CTNNA3: variants seen among roughly 807,000 people sequenced by gnomAD.
CTNNA3 encodes the protein catenin alpha 3, also known as catenin alpha-3.
In CTNNA3, 76 loss-of-function variants were observed where a neutral mutation model predicts 95.7. That is an observed-to-expected ratio of 0.79 (90% CI 0.66 to 0.96). The LOEUF is 0.96. CTNNA3 is among the 40% of genes least tolerant of loss of function. CTNNA3 has a pLI of 0.00. For missense variants in CTNNA3, 1,191 were observed against 1,089.8 expected (o/e 1.09, Z -1.31); for synonymous variants, 431 against 374.4 (o/e 1.15, Z -1.74).
At chr10:67,591,718 T>A (rs1303398720) in intron 3 of CTNNA3, among the ~76,000 whole-genome samples, 1 of 151,994 alleles carries the variant, frequency 6.6e-6, no homozygotes, top group African/African-American at 2.4e-5. Flanking sequence ...ATTAAATGCA[T>A]AATCATAATT....
intron 5 of CTNNA3, among the ~76,000 whole-genome samples, chr10:67,485,256 G>A (rs1848398589): frequency 1.3e-5 from 2 of 152,194 alleles, no homozygotes; most frequent in Non-Finnish European, 2.9e-5. Flanking sequence ...TTATAAGTGG[G>A]AGCTAAACAT....
chr10:66,906,460 CA>C (rs1845990768), intron 7 of CTNNA3, among the ~76,000 whole-genome samples: 1 of 152,054 alleles, frequency 6.6e-6, no homozygotes, highest in African/African-American at 2.4e-5. Flanking sequence ...AAATAGAATA[CA>C]AGTGGAAAAT....
chr10:66,845,885 C>T (rs1564720110), intron 7 of CTNNA3, among the ~76,000 whole-genome samples: 1 of 151,854 alleles, frequency 6.6e-6, no homozygotes, highest in Non-Finnish European at 1.5e-5. Context: ...AATCCCAGCA[C>T]TTTGGGAGGC....
chr10:67,034,070 C>T (rs1417816555), intron 7 of CTNNA3, among the ~76,000 whole-genome samples: 2 of 152,346 alleles, frequency 1.3e-5, no homozygotes, highest in Non-Finnish European at 2.9e-5. Context: ...CCGCGCCCGG[C>T]CTATACTGCT....
In CTNNA3 at chr10:66,517,950, T is replaced by C. The variant is rs1487189672; in HGVS notation, c.1531+2667A>G. 2.0e-5 allele frequency among the ~76,000 whole-genome samples: 3 copies of C among 152,144 alleles called. No individual in the cohort carries two copies. In the East Asian group the frequency reaches 5.8e-4, roughly 29 times the overall value. ...TTAACCATCAGTCTACTTTTTATTA[T>C]CCTCCTGTACGGACAATTCTAAATA... On this transcript the variant is annotated intron_variant, in intron 11 of 17. Transcript: ENST00000433211.
rs1491084387 is a variant in CTNNA3, at chr10:66,323,668, AAG to A, written c.1733-43049_1733-43048del. Among the ~76,000 whole-genome samples the A allele has an allele frequency of 8.4e-5, 12 of 143,192 alleles. 1 individual carries two copies. Among genetic ancestry groups the A allele is most frequent in the Non-Finnish European group, 1.3e-4 (8 of 63,864 alleles). 93.9% of individuals were successfully genotyped at this position (143,192 alleles called of 152,430 possible). On this transcript the variant is annotated intron_variant, in intron 12 of 17. Coordinates refer to ENST00000433211, the MANE Select transcript of CTNNA3 (RefSeq NM_013266.4). ...ATCCATCTCAAACGAAAAAAAAAAA[AAG>A]AAGAAGAAGAGGGCAGTTCCCCAGC... is the stretch of plus-strand genomic sequence containing the variant.
intron 12 of CTNNA3, among the ~76,000 whole-genome samples, chr10:66,299,476 T>C (rs1478094822): frequency 6.6e-6 from 1 of 152,200 alleles, no homozygotes; most frequent in Non-Finnish European, 1.5e-5. Context: ...TGGAGAACTC[T>C]GCCTAAAGTA....
At chr10:67,283,234 A>T (rs186047585) in intron 5 of CTNNA3, among the ~76,000 whole-genome samples, 13 of 152,200 alleles carry the variant, frequency 8.5e-5, no homozygotes, top group African/African-American at 2.7e-4. Flanking sequence ...GGTGATGGTA[A>T]GGTGGTTGTT....
At chr10:67,481,942 G>C (rs1388489350) in intron 5 of CTNNA3, among the ~76,000 whole-genome samples, 2 of 151,814 alleles carry the variant, frequency 1.3e-5, no homozygotes, top group Non-Finnish European at 2.9e-5. Flanking sequence ...GTAAGGAAGG[G>C]ATCCAGTTTC....
intron 3 of CTNNA3, among the ~76,000 whole-genome samples, chr10:67,562,508 T>C (rs1401456734): frequency 6.6e-6 from 1 of 152,180 alleles, no homozygotes; most frequent in African/African-American, 2.4e-5. Flanking sequence ...AAGAGCTATC[T>C]ATGACAAACC....
At chr10:66,941,760 G>C (rs1299990162) in intron 7 of CTNNA3, among the ~76,000 whole-genome samples, 2 of 152,176 alleles carry the variant, frequency 1.3e-5, no homozygotes, top group Non-Finnish European at 2.9e-5. Context: ...GGCTGAAAGA[G>C]GGAGCACACA....
chr10:67,704,407 T>A (rs1841064276), intron 1 of CTNNA3, among the ~76,000 whole-genome samples: 1 of 152,194 alleles, frequency 6.6e-6, no homozygotes, highest in Non-Finnish European at 1.5e-5. Context: ...CAAAACAGCA[T>A]GGTACTGGTA....
intron 15 of CTNNA3, among the ~76,000 whole-genome samples, chr10:66,011,465 C>T (rs2079003184): frequency 6.6e-6 from 1 of 152,106 alleles, no homozygotes; most frequent in South Asian, 2.1e-4. Flanking sequence ...TAATGCTACC[C>T]ATACTGGTAA....
intron 12 of CTNNA3, among the ~76,000 whole-genome samples, chr10:66,354,865 G>A (rs2092596863): frequency 6.6e-6 from 1 of 151,994 alleles, no homozygotes; most frequent in Non-Finnish European, 1.5e-5. Flanking sequence ...TTTGTTGAAT[G>A]AAAAATCACT....
intron 11 of CTNNA3, among the ~76,000 whole-genome samples, chr10:66,492,362 T>G (rs564759853): frequency 6.6e-6 from 1 of 152,160 alleles, no homozygotes; most frequent in East Asian, 1.9e-4. Context: ...TAGCTCACTG[T>G]AATCTTCAAC....
intron 13 of CTNNA3, among the ~76,000 whole-genome samples, chr10:66,130,668 C>A (rs139262246): frequency 0.012 from 1,762 of 151,726 alleles, 29 homozygotes; most frequent in African/African-American, 0.041. Flanking sequence ...CATGGTGAAA[C>A]CCTGTCTCTA....
chr10:66,345,235 G>A (rs1328846196), intron 12 of CTNNA3, among the ~76,000 whole-genome samples: 3 of 152,020 alleles, frequency 2.0e-5, no homozygotes, highest in Non-Finnish European at 4.4e-5. Context: ...TACAATAAAG[G>A]CTAGAATGTA....
chr10:67,294,319 CTA>C (rs1470908525), intron 5 of CTNNA3, among the ~76,000 whole-genome samples: 3 of 152,092 alleles, frequency 2.0e-5, no homozygotes, highest in African/African-American at 4.8e-5. Flanking sequence ...GGGAAAAAGA[CTA>C]TGTGTTGCTA....
intron 7 of CTNNA3, among the ~76,000 whole-genome samples, chr10:67,017,423 T>C (rs754390524): frequency 2.6e-5 from 4 of 152,176 alleles, no homozygotes; most frequent in Non-Finnish European, 5.9e-5. Flanking sequence ...GAGTTGATTA[T>C]GTGGAATAAA....
Sources: gnomAD v4.1 joint callset for allele counts (sites outside exome capture counted in the v4.1 genomes callset) on GRCh38, gnomAD v4.1.1 for gene constraint, MANE v1.5 for transcripts, NCBI Gene and HGNC (gene_info 2026-07-23, HGNC 2026-07-21) for gene names.